Variants in ROBO2 observed in about 807,000 individuals in gnomAD.
The protein encoded by ROBO2 is roundabout homolog 2.
In ROBO2, 53 loss-of-function variants were observed where a neutral mutation model predicts 160.8. The ratio of observed to expected loss-of-function variants is 0.33; its 90% CI spans 0.26 to 0.41. The LOEUF (loss-of-function observed/expected upper bound fraction) is 0.41. ROBO2 is among the 10% of genes least tolerant of loss of function. ROBO2 has a pLI of 1.00. For missense variants in ROBO2, 1,577 were observed against 1,722.4 expected, an observed-to-expected ratio of 0.92 and a Z score of 1.49; for synonymous variants, 664 against 611.7, an observed-to-expected ratio of 1.09 and a Z score of -1.26.
chr3:76,036,724 G>A (rs961722729), intron 2 of ROBO2, among the ~76,000 whole-genome samples: 4 of 151,172 alleles, frequency 2.6e-5, no homozygotes, highest in East Asian at 3.9e-4. Flanking sequence ...GGCTGGTCTC[G>A]AACTCCCGAC....
intron 2 of ROBO2, among the ~76,000 whole-genome samples, chr3:76,898,420 A>G (rs988116021): frequency 3.9e-5 from 6 of 152,110 alleles, no homozygotes; most frequent in East Asian, 1.9e-4. Context: ...GGCACATATA[A>G]TTTATAAATA....
At chr3:76,496,205 C>G (rs974560894) in intron 2 of ROBO2, among the ~76,000 whole-genome samples, 1 of 142,012 alleles carries the variant, frequency 7.0e-6, no homozygotes, top group Non-Finnish European at 1.5e-5. Flanking sequence ...TTCATCTTCA[C>G]GTGACAAATA....
intron 2 of ROBO2, among the ~76,000 whole-genome samples, chr3:77,475,823 T>C (rs1320153115): frequency 6.6e-6 from 1 of 152,220 alleles, no homozygotes; most frequent in African/African-American, 2.4e-5. Context: ...ATGCACACTT[T>C]CCTCAGCCCA....
At chr3:77,285,649 C>T (rs1003710910) in intron 2 of ROBO2, among the ~76,000 whole-genome samples, 1 of 152,164 alleles carries the variant, frequency 6.6e-6, no homozygotes, top group Admixed American at 6.5e-5. Flanking sequence ...TAATGAGACT[C>T]ATAGATCACG....
chr3:77,069,907 C>G (rs2067234320), intron 1 of ROBO2, among the ~76,000 whole-genome samples: 1 of 152,032 alleles, frequency 6.6e-6, no homozygotes, highest in Admixed American at 6.6e-5. Context: ...ATCATAACCC[C>G]TGGTGCCTCA....
intron 9 of ROBO2, among the ~76,000 whole-genome samples, chr3:77,558,411 T>G: frequency 6.6e-6 from 1 of 152,072 alleles, no homozygotes; most frequent in East Asian, 1.9e-4. Context: ...TCAACAAATC[T>G]AGAAATCTTA....
At chr3:76,181,334 G>A (rs927591013) in intron 2 of ROBO2, among the ~76,000 whole-genome samples, 3 of 152,078 alleles carry the variant, frequency 2.0e-5, no homozygotes. Context: ...AATTTCAATT[G>A]TAATTGTATA....
At chr3:76,610,077 T>A (rs9862882) in intron 2 of ROBO2, among the ~76,000 whole-genome samples, 1,608 of 152,302 alleles carry the variant, frequency 0.011, 14 homozygotes, top group African/African-American at 0.034. Flanking sequence ...GATGAAAAAA[T>A]TTTTTAACGT....
chr3:76,544,665 C>A (rs1374993813), intron 2 of ROBO2, among the ~76,000 whole-genome samples: 1 of 151,978 alleles, frequency 6.6e-6, no homozygotes, highest in African/African-American at 2.4e-5. Flanking sequence ...ACTGTGGAGT[C>A]AAACTTCCTA....
At chr3:76,110,761 A>C (rs2070192088) in intron 2 of ROBO2, among the ~76,000 whole-genome samples, 1 of 152,168 alleles carries the variant, frequency 6.6e-6, no homozygotes, top group African/African-American at 2.4e-5. Flanking sequence ...AAAAGTATTA[A>C]GAAATGAAGA....
chr3:76,768,159 G>GT (rs2061677255), intron 2 of ROBO2, among the ~76,000 whole-genome samples: 2 of 151,258 alleles, frequency 1.3e-5, no homozygotes, highest in African/African-American at 2.4e-5. Flanking sequence ...ATGTTTATGT[G>GT]TTTTTTTAAT....
chr3:76,295,486 A>G (rs933641330), intron 2 of ROBO2, among the ~76,000 whole-genome samples: 5 of 152,202 alleles, frequency 3.3e-5, no homozygotes, highest in African/African-American at 1.2e-4. Context: ...ATACTAGGGT[A>G]TATGAACACT....
intron 2 of ROBO2, among the ~76,000 whole-genome samples, chr3:76,442,063 C>G (rs530519700): frequency 6.6e-6 from 1 of 152,166 alleles, no homozygotes. Flanking sequence ...GTGAATATAA[C>G]GGCCAAAGAC....
At chr3:76,881,001 T>C (rs2073284720) in intron 2 of ROBO2, among the ~76,000 whole-genome samples, 1 of 152,146 alleles carries the variant, frequency 6.6e-6, no homozygotes, top group African/African-American at 2.4e-5. Context: ...CCTGCAGGTG[T>C]CTCTAATCAC....
intron 1 of ROBO2, among the ~76,000 whole-genome samples, chr3:77,060,781 T>C (rs988962725): frequency 9.9e-5 from 15 of 152,178 alleles, no homozygotes; most frequent in African/African-American, 3.4e-4. Flanking sequence ...CTAAACATTA[T>C]TCTTCCCTCT....
chr3:77,152,506 T>C (rs1032269957), intron 2 of ROBO2, among the ~76,000 whole-genome samples: 2 of 152,214 alleles, frequency 1.3e-5, no homozygotes, highest in Non-Finnish European at 2.9e-5. Flanking sequence ...GCCACCATAC[T>C]GGATAGTGCC....
chr3:77,091,579 A>G (rs978734255), intron 1 of ROBO2, among the ~76,000 whole-genome samples: 3 of 152,104 alleles, frequency 2.0e-5, no homozygotes, highest in Admixed American at 2.0e-4. Context: ...GGAATGCTAC[A>G]TCTAGCCAGG....
intron 2 of ROBO2, among the ~76,000 whole-genome samples, chr3:76,485,352 A>G (rs1248014508): frequency 6.6e-6 from 1 of 152,008 alleles, no homozygotes; most frequent in Non-Finnish European, 1.5e-5. Context: ...TGCCCCTGTG[A>G]GAATCTAATG....
chr3:76,720,017 C>G (rs1328328870), intron 2 of ROBO2, among the ~76,000 whole-genome samples: 1 of 152,066 alleles, frequency 6.6e-6, no homozygotes, highest in Non-Finnish European at 1.5e-5. Flanking sequence ...TATTTGGGTC[C>G]TCCCAAATAT....
Sources: allele counts gnomAD v4.1 joint callset (sites outside exome capture counted in the v4.1 genomes callset), GRCh38; gene constraint gnomAD v4.1.1; transcripts MANE v1.5; gene names NCBI Gene and HGNC (gene_info 2026-07-23, HGNC 2026-07-21).